The following STK4 variants were observed in gnomAD, a reference collection of about 807,000 sequenced individuals.
The protein encoded by STK4 is serine/threonine kinase 4, also known as serine/threonine-protein kinase 4.
STK4 carries 30 observed loss-of-function variants against 64.9 expected under a neutral mutation model. The ratio of observed to expected loss-of-function variants is 0.46; its 90% CI spans 0.35 to 0.63. STK4 has a LOEUF of 0.63. Ranked by LOEUF, STK4 falls within the 20% of genes least tolerant of loss-of-function variation. The pLI, the probability that STK4 is intolerant of heterozygous loss-of-function variation, is 0.01. For synonymous variants in STK4, 177 were observed against 199.0 expected (o/e 0.89, Z 0.93); for missense variants, 466 against 598.5 (o/e 0.78, Z 2.31).
At chr20:45,009,101 CTT>C (rs1245339020) in intron 9 of STK4, among the ~76,000 whole-genome samples, 2 of 152,122 alleles carry the variant, frequency 1.3e-5, no homozygotes, top group Non-Finnish European at 1.5e-5. Context: ...TGGCCAAAAA[CTT>C]TCTGCCAAGG....
chr20:45,007,501 C>T (rs1414881664), intron 9 of STK4, among the ~76,000 whole-genome samples: 4 of 151,986 alleles, frequency 2.6e-5, no homozygotes, highest in Non-Finnish European at 4.4e-5. Context: ...GAGCCGAAAT[C>T]GCGCCACTGC....
intron 1 of STK4, among the ~76,000 whole-genome samples, chr20:44,967,592 G>T (rs1469578379): frequency 6.6e-6 from 1 of 152,214 alleles, no homozygotes; most frequent in East Asian, 1.9e-4. Context: ...CTGAGGTTCA[G>T]TGTGGTTACT....
chr20:45,064,534 G>A (rs1180772487), intron 10 of STK4, among the ~76,000 whole-genome samples: 1 of 152,298 alleles, frequency 6.6e-6, no homozygotes, highest in Admixed American at 6.5e-5. Flanking sequence ...GTATAGCCAT[G>A]TTAACAATGA....
chr20:45,032,025 C>A (rs959227709), intron 10 of STK4, among the ~76,000 whole-genome samples: 2 of 151,920 alleles, frequency 1.3e-5, no homozygotes, highest in Non-Finnish European at 2.9e-5. Context: ...AAGTCATGCA[C>A]CTATATGAAA....
At position 44,995,266 on chromosome 20, in the gene STK4, G is replaced by C; in HGVS notation, c.693+9G>C. 1 of 1,605,514 alleles carries C rather than the reference G, an allele frequency of 6.2e-7. No individual in the cohort carries two copies. ...ATATCCATCCAATGAGGGTAAGAAAGTGGACAGAAAGCCAGTGGGGTGGTT... is the reference window on the plus strand; with the variant it reads ...ATATCCATCCAATGAGGGTAAGAAACTGGACAGAAAGCCAGTGGGGTGGTT... On this transcript the variant is annotated intron_variant, in intron 6 of 10. Coordinates refer to ENST00000372806, the MANE Select transcript of STK4 (RefSeq NM_006282.5).
chr20:44,978,364 C>T (rs2145644696), intron 2 of STK4, 79 bp from the exon 3 acceptor site: 2 of 1,508,348 alleles, frequency 1.3e-6, no homozygotes, highest in South Asian at 2.6e-5. Flanking sequence ...TTAGAACTAT[C>T]AGTTGCTTGT....
intron 4 of STK4, 66 bp from the exon 5 acceptor site, chr20:44,987,066 T>C (rs1283890179): frequency 1.5e-6 from 2 of 1,361,690 alleles, no homozygotes; most frequent in South Asian, 1.4e-5. Context: ...TGGATCTGAT[T>C]TTTTCTCCTT....
At chr20:45,001,434 G>A (rs1339227359) in intron 9 of STK4, 81 bp downstream of exon 9, 10 of 1,468,726 alleles carry the variant, frequency 6.8e-6, no homozygotes, top group Non-Finnish European at 8.2e-6. Context: ...GGTTCATGCA[G>A]GCTTAGCCTT....
rs2067840295 is a variant in STK4, at chr20:45,001,444, T to C, written c.1147+91T>C. On this transcript the variant is annotated intron_variant, in intron 9 of 10. Transcript: ENST00000372806. ...CTCATGGTTCATGCAGGCTTAGCCT[T>C]GGGTTCTTTCTTTTGTCACAACCAA... 4 of 1,421,416 alleles carry C rather than the reference T, an allele frequency of 2.8e-6. No homozygotes were observed. In the East Asian group the frequency reaches 9.8e-5, roughly 35 times the overall value. 88.1% of individuals were successfully genotyped at this position (1,421,416 alleles called of 1,614,324 possible).
intron 10 of STK4, among the ~76,000 whole-genome samples, chr20:45,027,675 AT>A (rs1384333517): frequency 6.6e-6 from 1 of 151,966 alleles, no homozygotes; most frequent in African/African-American, 2.4e-5. Flanking sequence ...ATTAACTATA[AT>A]TTTCCTACTG....
intron 1 of STK4, among the ~76,000 whole-genome samples, chr20:44,970,758 A>G (rs1045343330): frequency 6.6e-6 from 1 of 152,188 alleles, no homozygotes; most frequent in Non-Finnish European, 1.5e-5. Context: ...CTTGATATTC[A>G]TAAACTATAA....
intron 9 of STK4, among the ~76,000 whole-genome samples, chr20:45,011,729 A>ATATATATATATATATTT (rs60170856): frequency 3.5e-5 from 4 of 115,386 alleles, no homozygotes; most frequent in African/African-American, 1.5e-4. Context: ...ATATATATAT[A>ATATATATATATATATTT]TTTTTTTTTT....
intron 10 of STK4, among the ~76,000 whole-genome samples, chr20:45,029,154 A>G (rs902586966): frequency 6.6e-6 from 1 of 152,198 alleles, no homozygotes; most frequent in South Asian, 2.1e-4. Flanking sequence ...GCTTATTTTG[A>G]AAATGTGAAA....
intron 2 of STK4, among the ~76,000 whole-genome samples, chr20:44,977,158 T>C (rs917822681): frequency 6.6e-6 from 1 of 152,212 alleles, no homozygotes; most frequent in African/African-American, 2.4e-5. Context: ...AAGGGACACA[T>C]GCTCAACAGT....
At chr20:44,997,627 G>A (rs1397718383) in intron 7 of STK4, among the ~76,000 whole-genome samples, 3 of 152,212 alleles carry the variant, frequency 2.0e-5, no homozygotes, top group Non-Finnish European at 1.5e-5. Context: ...ATCCCAGGAG[G>A]TTGAGGCCGC....
In STK4 at chr20:44,997,297, G is replaced by C; in HGVS notation, c.822G>C (p.Gln274His). 6.3e-7 allele frequency: 1 copy of C among 1,597,320 alleles called. No individual in the cohort carries two copies. The highest frequency in any genetic ancestry group is 8.5e-7 in the Non-Finnish European group (1 of 1,174,248). Residue 274 changes from glutamine to histidine, a missense_variant, in exon 7 of 11, where the codon CAG becomes CAC. Physicochemically the swap from Gln to His is conservative, Grantham distance 24 (BLOSUM62 0). Around this residue, in one of 2 missense-constraint regions of STK4, gnomAD observed 276 missense variants for 308.9 expected, o/e 0.89. Transcript: ENST00000372806. Reference protein sequence around the residue: ...KSPEQRATATQLLQHPFVRSA... With the variant: ...KSPEQRATATHLLQHPFVRSA... Reference sequence around the variant, plus strand: ...CTGAGCAGAGGGCCACAGCCACTCAGCTCCTGCAGGTATGAATCACCCTGT... The same window carrying C: ...CTGAGCAGAGGGCCACAGCCACTCACCTCCTGCAGGTATGAATCACCCTGT...
intron 10 of STK4, among the ~76,000 whole-genome samples, chr20:45,048,567 G>A (rs1191514868): frequency 1.3e-5 from 2 of 151,830 alleles, no homozygotes; most frequent in Non-Finnish European, 2.9e-5. Context: ...GTGCAGTGGC[G>A]TGGTCTTGGC....
chr20:44,988,533 G>GTATATATATATATATATATA (rs71197589), intron 5 of STK4, among the ~76,000 whole-genome samples: 18 of 101,574 alleles, frequency 1.8e-4, no homozygotes, highest in East Asian at 6.8e-4. Flanking sequence ...ATGTGTGTGT[G>GTATATATATATATATATATA]TATATATATA....
At chr20:45,055,038 G>A (rs1279942106) in intron 10 of STK4, among the ~76,000 whole-genome samples, 1 of 152,124 alleles carries the variant, frequency 6.6e-6, no homozygotes, top group Non-Finnish European at 1.5e-5. Context: ...AAGGGGTGGG[G>A]ATGGGCATGT....
Sources: gnomAD v4.1 joint callset for allele counts (sites outside exome capture counted in the v4.1 genomes callset) on GRCh38, gnomAD v4.1.1 for gene constraint, gnomAD v4.1.1 regional missense constraint, MANE v1.5 for transcripts, NCBI Gene and HGNC (gene_info 2026-07-23, HGNC 2026-07-21) for gene names.